Variants in TULP1 observed in about 807,000 individuals in gnomAD.
TULP1 encodes the protein tubby-related protein 1.
TULP1 carries 50 observed loss-of-function variants against 67.1 expected under a neutral mutation model. The ratio of observed to expected loss-of-function variants is 0.75; its 90% CI spans 0.59 to 0.94. The LOEUF (loss-of-function observed/expected upper bound fraction) is 0.94. Among genes scored for constraint, TULP1 ranks in the 40% least tolerant of loss-of-function variants. TULP1 has a pLI of 0.00. For missense variants in TULP1, 746 were observed against 734.1 expected, an observed-to-expected ratio of 1.02 and a Z score of -0.19; for synonymous variants, 297 against 294.0, an observed-to-expected ratio of 1.01 and a Z score of -0.11.
chr6:35,500,127 C>T lies in TULP1; in HGVS notation c.1349G>A (p.Trp450Ter), dbSNP rs1581736099. 1 of 1,614,054 alleles carries T rather than the reference C, an allele frequency of 6.2e-7. No homozygotes were observed. Among genetic ancestry groups the T allele is most frequent in the Middle Eastern group, 1.6e-4 (1 of 6,062 alleles). ...GAGGCTCTCCAGCGTCTTGTTCTGC[C>T]AGCGCACCAGCAGGCCGTCACTAGC... ...RNASDGLLVRWQNKTLESLIE... is the reference protein window; with the variant it reads ...RNASDGLLVR Residue 450 changes from tryptophan (W) to a stop codon, truncating the protein, a stop_gained, in exon 14 of 15, where the codon TGG (tryptophan) becomes TAG (stop). Transcript: ENST00000229771. LOFTEE classifies it high-confidence loss of function.
rs74461100 is a variant in TULP1, at chr6:35,503,585, C to T, written c.1297G>A (p.Glu433Lys). The T allele has an allele frequency of 2.8e-4, 437 of 1,586,182 alleles. 5 individuals carry two copies. In the African/African-American group the frequency reaches 4.6e-3, roughly 17 times the overall value. The part of the protein sequence containing the change: ...VIIPGMSAEN[E>K]RVPIRPRNAS... ...TTTCGGGGCCGGATGGGGACCCTCT[C>T]GTTCTCCGCACTCATGCCAGGAATG... The change falls in exon 13 of 15, where the codon GAG (glutamate) becomes AAG (lysine). Residue 433 changes from glutamate (E) to lysine (K), a missense_variant. By Grantham distance (56) the Glu-to-Lys change is moderately conservative. Transcript: ENST00000229771. The surrounding 1 kb of genome is among the most constrained non-coding windows in gnomAD (Gnocchi z 4.0).
intron 13 of TULP1, among the ~76,000 whole-genome samples, chr6:35,502,907 A>G (rs934083375): frequency 6.6e-6 from 1 of 152,016 alleles, no homozygotes; most frequent in African/African-American, 2.4e-5. Flanking sequence ...TGCCAGCTTC[A>G]GGGGGGCAGA....
At chr6:35,506,210 C>T in intron 9 of TULP1, 37 bp from the exon 10 acceptor site, 1 of 1,611,898 alleles carries the variant, frequency 6.2e-7, no homozygotes, top group Non-Finnish European at 8.5e-7. Context: ...CCCCAGAGCA[C>T]CAGCTCCCCC....
rs1365637467 is a variant in TULP1 at position 35,509,992 on chromosome 6, AC to A, written c.500-65del. ...TACTGGGGCTGAAGGCTGCCTTCCA[AC>A]CCTCTTGTCCTGCCTATAGTCCCCA... On this transcript the variant is annotated intron_variant, in intron 5 of 14. Transcript: ENST00000229771. The A allele has an allele frequency of 2.7e-6, 4 of 1,506,566 alleles. No individual in the cohort carries two copies. In the African/African-American group the frequency reaches 5.5e-5, roughly 21 times the overall value. The allele number at this position is 1,506,566 out of a possible 1,614,324, so 93.3% of individuals were successfully genotyped here. A position where few individuals can be genotyped will look rare whatever the true frequency, so the allele number is the denominator to read the frequency against.
chr6:35,499,967 C>G lies in TULP1; in HGVS notation c.1495+14G>C. ...TGGTGGAGAAGAGCCAGACCTGGGC[C>G]CTCAGGTACTCACGGTCATCAGCGT... On this transcript the variant is annotated intron_variant, in intron 14 of 14. Transcript: ENST00000229771. 6.2e-7 allele frequency: 1 copy of G among 1,613,770 alleles called. No homozygotes were observed. Among genetic ancestry groups the G allele is most frequent in the South Asian group, 1.1e-5 (1 of 91,058 alleles).
chr6:35,506,300 G>C, intron 8 of TULP1, 21 bp from the exon 9 acceptor site: 2 of 1,559,598 alleles, frequency 1.3e-6, no homozygotes, highest in Non-Finnish European at 1.7e-6. Context: ...AGAGAACAGA[G>C]AGGCTGGCTA....
At chr6:35,511,099 G>A (rs1761192270) in intron 4 of TULP1, 89 bp from the exon 5 acceptor site, 2 of 1,579,362 alleles carry the variant, frequency 1.3e-6, no homozygotes, top group South Asian at 1.1e-5. Flanking sequence ...GGGAAGTGGT[G>A]CATGGGCACC....
chr6:35,503,855 G>A lies in TULP1; in HGVS notation c.1113-7C>T. ...GTTCCCCAGGAGGTTGGACCTGCAAGCAGGGTAGAGCTTGGGGTGGGGCTG... is the reference window on the plus strand; with the variant it reads ...GTTCCCCAGGAGGTTGGACCTGCAAACAGGGTAGAGCTTGGGGTGGGGCTG... On this transcript the variant is annotated splice_region_variant and splice_polypyrimidine_tract_variant and intron_variant, in intron 11 of 14. Coordinates refer to ENST00000229771, the MANE Select transcript of TULP1 (RefSeq NM_003322.6). The surrounding 1 kb of genome is among the most constrained non-coding windows in gnomAD (Gnocchi z 4.0). 3.1e-6 allele frequency: 5 copies of A among 1,600,534 alleles called. No individual in the cohort carries two copies. The South Asian group carries it at 5.6e-5, about 18-fold the overall frequency.
chr6:35,506,606 G>A (rs781557057), intron 8 of TULP1, among the ~76,000 whole-genome samples: 4 of 152,164 alleles, frequency 2.6e-5, no homozygotes, highest in Admixed American at 6.5e-5. Context: ...TTTAACACAC[G>A]CTTGCATAAA....
At chr6:35,510,618 T>C (rs1721372366) in intron 5 of TULP1, 3 of 707,176 alleles carry the variant, frequency 4.2e-6, no homozygotes, top group South Asian at 4.1e-5. Flanking sequence ...ACTAGAATCC[T>C]CTGTCCTCCT....
Position 35,506,298 on chromosome 6 carries a change from G to A in TULP1, c.823-19C>T, listed in dbSNP as rs752840216. ...CCGCTTTCTGTGTGCGGAGAGAACAGAGAGGCTGGCTAGAGCAGGGGCCGC... is the reference window on the plus strand; with the variant it reads ...CCGCTTTCTGTGTGCGGAGAGAACAAAGAGGCTGGCTAGAGCAGGGGCCGC... On this transcript the variant is annotated intron_variant, in intron 8 of 14. Coordinates refer to ENST00000229771, the MANE Select transcript of TULP1 (RefSeq NM_003322.6). The A allele has an allele frequency of 1.4e-5, 22 of 1,560,382 alleles. No homozygotes were observed. In the East Asian group the frequency reaches 5.3e-4, roughly 37 times the overall value.
At chr6:35,506,591 A>C (rs1759912115) in intron 8 of TULP1, among the ~76,000 whole-genome samples, 1 of 152,176 alleles carries the variant, frequency 6.6e-6, no homozygotes, top group African/African-American at 2.4e-5. Flanking sequence ...GACCTTACCT[A>C]TGTATTTAAC....
intron 13 of TULP1, among the ~76,000 whole-genome samples, chr6:35,501,628 A>G (rs907953635): frequency 6.6e-6 from 1 of 151,544 alleles, no homozygotes; most frequent in Non-Finnish European, 1.5e-5. Flanking sequence ...CCTGGCCATC[A>G]TGGCAAAACC....
chr6:35,509,089 G>C (rs183909549), intron 8 of TULP1, 120 bp downstream of exon 8: 3 of 873,610 alleles, frequency 3.4e-6, no homozygotes, highest in South Asian at 1.3e-5. Flanking sequence ...TGTCACAAGA[G>C]GGGGAGCCAA....
intron 8 of TULP1, among the ~76,000 whole-genome samples, chr6:35,507,203 C>CAAAAAAAAA (rs869194937): frequency 2.8e-5 from 2 of 72,002 alleles, no homozygotes; most frequent in Admixed American, 1.5e-4. Flanking sequence ...AACACTCAAG[C>CAAAAAAAAA]AAAAAAAAAA....
At chr6:35,512,616 C>G (rs1761234040) in intron 2 of TULP1, 23 bp downstream of exon 2, 2 of 1,613,842 alleles carry the variant, frequency 1.2e-6, no homozygotes, top group African/African-American at 2.7e-5. Context: ...CTTTCTGCTT[C>G]CTTTCCAAGT....
intron 11 of TULP1, among the ~76,000 whole-genome samples, chr6:35,504,757 G>A (rs1408231291): frequency 2.0e-5 from 3 of 151,102 alleles, no homozygotes; most frequent in Non-Finnish European, 4.4e-5. Context: ...TAGTAGAGAC[G>A]GGGTTTCGCT....
intron 5 of TULP1, 93 bp downstream of exon 5, chr6:35,510,768 C>A (rs1055512425): frequency 9.0e-5 from 144 of 1,603,862 alleles, no homozygotes; most frequent in Non-Finnish European, 1.2e-4. Context: ...CATTTTGAGG[C>A]CTCAATCGCT....
At chr6:35,511,338 A>G (rs73746446) in intron 4 of TULP1, among the ~76,000 whole-genome samples, 18,759 of 151,828 alleles carry the variant, frequency 0.12, 2,136 homozygotes, top group African/African-American at 0.31. Context: ...CTTCTCCCTG[A>G]CCTTGTCTGT....
Sources: gnomAD v4.1 joint callset for allele counts (sites outside exome capture counted in the v4.1 genomes callset) on GRCh38, gnomAD v4.1.1 for gene constraint, Gnocchi (gnomAD v3.1) non-coding constraint, MANE v1.5 for transcripts, NCBI Gene and HGNC (gene_info 2026-07-23, HGNC 2026-07-21) for gene names.